HDAC4: variants seen among roughly 807,000 people sequenced by gnomAD.
The protein encoded by HDAC4 is histone deacetylase A.
HDAC4 carries 16 observed loss-of-function variants against 135.1 expected under a neutral mutation model. The observed-to-expected ratio is 0.12, with a 90% CI of 0.08 to 0.18. HDAC4 has a LOEUF of 0.18. Among genes scored for constraint, HDAC4 ranks in the 10% least tolerant of loss-of-function variants. The pLI, the probability that HDAC4 is intolerant of heterozygous loss-of-function variation, is 1.00. For synonymous variants in HDAC4, 685 were observed against 653.4 expected (o/e 1.05, Z -0.74); for missense variants, 1,143 against 1,511.8 (o/e 0.76, Z 4.05).
At chr2:239,356,572 A>G (rs1693502103) in intron 1 of HDAC4, among the ~76,000 whole-genome samples, 1 of 152,266 alleles carries the variant, frequency 6.6e-6, no homozygotes, top group South Asian at 2.1e-4. Context: ...AGATGGACAA[A>G]TGTATATCAC....
At chr2:239,364,901 G>T (rs1219672757) in intron 1 of HDAC4, among the ~76,000 whole-genome samples, 1 of 152,162 alleles carries the variant, frequency 6.6e-6, no homozygotes, top group African/African-American at 2.4e-5. Context: ...CGCAGAAACG[G>T]AAAAGAATTC....
intron 3 of HDAC4, among the ~76,000 whole-genome samples, chr2:239,205,453 G>A (rs544720924): frequency 4.6e-5 from 7 of 152,242 alleles, no homozygotes; most frequent in Non-Finnish European, 8.8e-5. Flanking sequence ...AGCTAGAATC[G>A]CATTCACAGG....
At position 239,068,347 on chromosome 2, in the gene HDAC4, C is replaced by G. The variant is rs573961976; in HGVS notation, c.2869+142G>C. ...CTGGGGCCTCCCAAATGGACTGGTT[C>G]CCAGTACGGTCAGAACCTTGGTCAT... On this transcript the variant is annotated intron_variant, in intron 23 of 26. Coordinates refer to ENST00000543185, the MANE Select transcript of HDAC4 (RefSeq NM_001378414.1). This position sits in a 1 kb window ranked among gnomAD's most constrained non-coding sequence, Gnocchi z 4.4. The G allele has an allele frequency of 3.0e-6, 2 of 663,854 alleles. No individual in the cohort carries two copies. The highest frequency in any genetic ancestry group is 5.4e-6 in the Non-Finnish European group (2 of 371,720). 41.1% of individuals were successfully genotyped at this position (663,854 alleles called of 1,614,324 possible).
chr2:239,104,139 T>G (rs1238720677), intron 15 of HDAC4, among the ~76,000 whole-genome samples: 1 of 152,202 alleles, frequency 6.6e-6, no homozygotes, highest in African/African-American at 2.4e-5. Flanking sequence ...AAGTCACATG[T>G]CCCTGGAAAG....
intron 3 of HDAC4, among the ~76,000 whole-genome samples, chr2:239,198,940 T>C (rs1403901107): frequency 1.3e-5 from 2 of 152,132 alleles, no homozygotes; most frequent in African/African-American, 2.4e-5. Flanking sequence ...TCAAATGCCA[T>C]CAACACACGC....
chr2:239,155,241 C>T (rs6732638), intron 7 of HDAC4, among the ~76,000 whole-genome samples: 134,400 of 150,814 alleles, frequency 0.89, 60,162 homozygotes, highest in African/African-American at 0.97. Context: ...AATAGGTGTA[C>T]TGGGAACATG....
rs576620363 is a variant in HDAC4 at position 239,184,508 on chromosome 2, G to A, written c.339+5325C>T. On this transcript the variant is annotated intron_variant, in intron 4 of 26. Transcript: ENST00000543185. ...TGGAGGCTGTGCCCTATGGGGGGGG[G>A]TCCCCCAGTGTCTGTCCTGGAGGCT... Among the ~76,000 whole-genome samples, 193 of 128,384 alleles carry A rather than the reference G, an allele frequency of 1.5e-3. 2 individuals are homozygous for A. The highest frequency in any genetic ancestry group is 5.4e-3 in the African/African-American group (185 of 34,298). The allele number at this position is 128,384 out of a possible 152,430, so 84.2% of individuals were successfully genotyped here. A position where few individuals can be genotyped will look rare whatever the true frequency, so the allele number is the denominator to read the frequency against.
chr2:239,297,236 G>A lies in HDAC4; in HGVS notation c.22+55442C>T, dbSNP rs555657719. Among the ~76,000 whole-genome samples, 61 of 152,190 alleles carry A rather than the reference G, an allele frequency of 4.0e-4. No individual in the cohort carries two copies. The South Asian group carries it at 5.8e-3, about 15-fold the overall frequency. On this transcript the variant is annotated intron_variant, in intron 2 of 26. Transcript: ENST00000543185. ...CCCAACCTTCCCACGAGCAGCCAGCGCTCACCCAAACCTTGGCCGCAGGAT... is the reference window on the plus strand; with the variant it reads ...CCCAACCTTCCCACGAGCAGCCAGCACTCACCCAAACCTTGGCCGCAGGAT...
chr2:239,362,341 C>T (rs1437682596), intron 1 of HDAC4, among the ~76,000 whole-genome samples: 2 of 152,190 alleles, frequency 1.3e-5, no homozygotes, highest in African/African-American at 2.4e-5. Flanking sequence ...CTAAGGTTAC[C>T]TATGGTTCCT....
chr2:239,153,717 T>A (rs1344570808), intron 7 of HDAC4, among the ~76,000 whole-genome samples: 1 of 152,246 alleles, frequency 6.6e-6, no homozygotes, highest in Non-Finnish European at 1.5e-5. Context: ...GAATTCTCTC[T>A]TCCGTTCTCA....
Position 239,054,847 on chromosome 2 carries a change from CATAAGAAT to C in HDAC4, c.3004-22_3004-15del, listed in dbSNP as rs1381573888. On this transcript the variant is annotated splice_polypyrimidine_tract_variant and intron_variant, in intron 24 of 26. Coordinates refer to ENST00000543185, the MANE Select transcript of HDAC4 (RefSeq NM_001378414.1). The stretch of plus-strand genomic sequence containing the variant: ...GAGAGGATCAAGCTGGAAGAAAATG[CATAAGAAT>C]ATAAAGACTGCCAATATAATCCACA... 4 of 1,571,578 alleles carry C rather than the reference CATAAGAAT, an allele frequency of 2.5e-6. No individual in the cohort carries two copies. Among genetic ancestry groups the C allele is most frequent in the African/African-American group, 1.3e-5 (1 of 74,098 alleles).
At chr2:239,366,062 TGGC>T (rs1559387028) in intron 1 of HDAC4, among the ~76,000 whole-genome samples, 3 of 148,654 alleles carry the variant, frequency 2.0e-5, no homozygotes, top group Admixed American at 6.7e-5. Context: ...CGTGTGGCAC[TGGC>T]GGACACACAC....
At chr2:239,053,624 G>C (rs1204282449) in intron 25 of HDAC4, 23 bp from the exon 26 acceptor site, 1 of 1,611,230 alleles carries the variant, frequency 6.2e-7, no homozygotes, top group Non-Finnish European at 8.5e-7. Flanking sequence ...GGTGAGGAAA[G>C]TCGCTCAGTG....
intron 5 of HDAC4, among the ~76,000 whole-genome samples, chr2:239,170,899 C>T (rs1012667002): frequency 6.6e-5 from 10 of 152,266 alleles, no homozygotes; most frequent in Middle Eastern, 3.4e-3. Flanking sequence ...TGAGCTTGTG[C>T]GTAGGACCTC....
intron 16 of HDAC4, among the ~76,000 whole-genome samples, chr2:239,095,611 C>CT (rs1304352480): frequency 1.3e-5 from 2 of 152,164 alleles, no homozygotes; most frequent in African/African-American, 4.8e-5. Flanking sequence ...GTACAGCTGA[C>CT]TGAGGGCTCC....
chr2:239,233,570 C>T (rs570624323), intron 3 of HDAC4, among the ~76,000 whole-genome samples: 2 of 152,144 alleles, frequency 1.3e-5, no homozygotes, highest in Admixed American at 6.5e-5. Flanking sequence ...GCTCACCTGA[C>T]GTTTCTAAAA....
chr2:239,387,987 G>A (rs930318982), intron 1 of HDAC4, among the ~76,000 whole-genome samples: 8 of 152,150 alleles, frequency 5.3e-5, no homozygotes, highest in East Asian at 1.9e-4. Context: ...ACGGGAGGAC[G>A]GGTATCCACG....
intron 17 of HDAC4, chr2:239,094,592 C>T (rs1487922112): frequency 4.0e-5 from 45 of 1,133,956 alleles, no homozygotes; most frequent in Non-Finnish European, 4.6e-5. Context: ...ATGAGTATCA[C>T]GGTCACTGCA....
chr2:239,329,389 G>A (rs1264237612), intron 2 of HDAC4, among the ~76,000 whole-genome samples: 1 of 152,172 alleles, frequency 6.6e-6, no homozygotes, highest in Non-Finnish European at 1.5e-5. Flanking sequence ...GTTTGATTCT[G>A]CCCCGTCATC....
Sources: gnomAD v4.1 joint callset for allele counts (sites outside exome capture counted in the v4.1 genomes callset) on GRCh38, gnomAD v4.1.1 for gene constraint, Gnocchi (gnomAD v3.1) non-coding constraint, MANE v1.5 for transcripts, NCBI Gene and HGNC (gene_info 2026-07-23, HGNC 2026-07-21) for gene names.